The following LRRC4C variants were observed in gnomAD, a reference collection of about 807,000 sequenced individuals.
The protein encoded by LRRC4C is leucine-rich repeat-containing protein 4C.
Under a neutral mutation model 33.6 loss-of-function variants are expected in LRRC4C, and 5 were observed. The observed-to-expected ratio is 0.15, with a 90% CI of 0.08 to 0.31. LRRC4C has a LOEUF of 0.31. LRRC4C is among the 10% of genes least tolerant of loss of function. The pLI is 1.00. For synonymous variants in LRRC4C, 329 were observed against 302.0 expected, an observed-to-expected ratio of 1.09 and a Z score of -0.93; for missense variants, 560 against 796.7, an observed-to-expected ratio of 0.70 and a Z score of 3.58.
At chr11:40,463,855 G>A (rs192327259) in intron 3 of LRRC4C, among the ~76,000 whole-genome samples, 23 of 152,106 alleles carry the variant, frequency 1.5e-4, no homozygotes, top group African/African-American at 5.5e-4. Flanking sequence ...ATCCATTTGA[G>A]GAATATCTAT....
At chr11:40,259,172 C>G (rs1867469912) in intron 4 of LRRC4C, among the ~76,000 whole-genome samples, 1 of 152,128 alleles carries the variant, frequency 6.6e-6, no homozygotes, top group Non-Finnish European at 1.5e-5. Flanking sequence ...TTAAAAATAC[C>G]CATCCCTCAT....
intron 2 of LRRC4C, among the ~76,000 whole-genome samples, chr11:40,874,090 C>T (rs983800601): frequency 2.0e-4 from 31 of 152,250 alleles, no homozygotes; most frequent in African/African-American, 7.0e-4. Flanking sequence ...AAAGTAAAAG[C>T]ATAGAGAAAA....
intron 2 of LRRC4C, among the ~76,000 whole-genome samples, chr11:40,924,579 A>G (rs1957337797): frequency 2.0e-5 from 3 of 152,194 alleles, no homozygotes; most frequent in African/African-American, 7.2e-5. Context: ...GGTATTTGAT[A>G]GCACAGTAGG....
chr11:40,953,106 C>A (rs773144129), intron 1 of LRRC4C, among the ~76,000 whole-genome samples: 3 of 151,812 alleles, frequency 2.0e-5, no homozygotes, highest in Non-Finnish European at 2.9e-5. Context: ...TCTTCCTTAA[C>A]GTCTAATGAT....
At chr11:40,724,409 A>C (rs929899214) in intron 2 of LRRC4C, among the ~76,000 whole-genome samples, 1 of 152,178 alleles carries the variant, frequency 6.6e-6, no homozygotes. Context: ...CAAGCATACT[A>C]TTGAGCCAGA....
intron 2 of LRRC4C, among the ~76,000 whole-genome samples, chr11:40,831,879 G>C (rs558707333): frequency 6.6e-6 from 1 of 152,112 alleles, no homozygotes; most frequent in African/African-American, 2.4e-5. Flanking sequence ...CATGACACAT[G>C]GGGATTATAA....
At chr11:41,348,577 G>A (rs145414923) in intron 1 of LRRC4C, among the ~76,000 whole-genome samples, 1 of 151,970 alleles carries the variant, frequency 6.6e-6, no homozygotes, top group East Asian at 2.0e-4. Context: ...GATACAGCCA[G>A]GAAGAGCGTC....
At chr11:40,655,103 C>T (rs912894641) in intron 2 of LRRC4C, among the ~76,000 whole-genome samples, 2 of 152,338 alleles carry the variant, frequency 1.3e-5, no homozygotes, top group Non-Finnish European at 2.9e-5. Flanking sequence ...TTCTTCATAA[C>T]ATTGTGAGAA....
intron 1 of LRRC4C, among the ~76,000 whole-genome samples, chr11:41,323,781 G>A (rs1302746284): frequency 6.6e-6 from 1 of 152,044 alleles, no homozygotes; most frequent in South Asian, 2.1e-4. Context: ...AAGAAGTCTG[G>A]CTCTCTGATT....
chr11:40,403,180 A>C (rs186136807), intron 3 of LRRC4C, among the ~76,000 whole-genome samples: 167 of 152,190 alleles, frequency 1.1e-3, no homozygotes, highest in African/African-American at 3.9e-3. Context: ...TATAGCTCTT[A>C]AGCCATATCA....
intron 1 of LRRC4C, among the ~76,000 whole-genome samples, chr11:41,288,609 T>C (rs755409036): frequency 1.3e-5 from 2 of 152,302 alleles, no homozygotes; most frequent in Non-Finnish European, 2.9e-5. Context: ...TGAACTCCCA[T>C]AAATAAGATT....
intron 2 of LRRC4C, among the ~76,000 whole-genome samples, chr11:40,734,569 C>G (rs1429497144): frequency 3.9e-5 from 6 of 152,160 alleles, no homozygotes; most frequent in Non-Finnish European, 8.8e-5. Context: ...CCACCAATGC[C>G]ATTTCAATTA....
chr11:40,342,864 A>G (rs1281695859), intron 3 of LRRC4C, among the ~76,000 whole-genome samples: 3 of 152,008 alleles, frequency 2.0e-5, no homozygotes, highest in African/African-American at 4.8e-5. Context: ...CTATCTATCT[A>G]CCTACCTACC....
intron 1 of LRRC4C, among the ~76,000 whole-genome samples, chr11:40,963,407 G>C (rs1053515183): frequency 2.6e-5 from 4 of 151,684 alleles, no homozygotes; most frequent in Admixed American, 6.6e-5. Context: ...ATCAACATGG[G>C]ATAAATTGTT....
intron 3 of LRRC4C, among the ~76,000 whole-genome samples, chr11:40,469,407 G>A (rs536675280): frequency 9.9e-5 from 15 of 152,264 alleles, no homozygotes; most frequent in African/African-American, 3.6e-4. Context: ...ATTCCCTCAG[G>A]TGACTATACC....
intron 2 of LRRC4C, among the ~76,000 whole-genome samples, chr11:40,874,012 A>C (rs1312339878): frequency 1.3e-5 from 2 of 152,164 alleles, no homozygotes; most frequent in Non-Finnish European, 2.9e-5. Context: ...GTACCATTTA[A>C]ATTTTCTCCA....
intron 1 of LRRC4C, among the ~76,000 whole-genome samples, chr11:40,974,507 C>T (rs1268960412): frequency 6.6e-6 from 1 of 152,174 alleles, no homozygotes; most frequent in Non-Finnish European, 1.5e-5. Flanking sequence ...GATACAACCA[C>T]AACATAAATC....
intron 1 of LRRC4C, among the ~76,000 whole-genome samples, chr11:41,265,511 A>T (rs1949120833): frequency 6.6e-6 from 1 of 152,162 alleles, no homozygotes; most frequent in Non-Finnish European, 1.5e-5. Context: ...AACAAAGGGT[A>T]AATAAAGCCA....
At chr11:40,249,767 T>C (rs1274734807) in intron 4 of LRRC4C, among the ~76,000 whole-genome samples, 1 of 152,078 alleles carries the variant, frequency 6.6e-6, no homozygotes, top group Non-Finnish European at 1.5e-5. Flanking sequence ...CGCTTTTTTT[T>C]CCTTCAAAGA....
Sources: gnomAD v4.1 joint callset for allele counts (sites outside exome capture counted in the v4.1 genomes callset) on GRCh38, gnomAD v4.1.1 for gene constraint, MANE v1.5 for transcripts, NCBI Gene and HGNC (gene_info 2026-07-23, HGNC 2026-07-21) for gene names.